COG3: variants seen among roughly 807,000 people sequenced by gnomAD.
COG3 encodes conserved oligomeric Golgi complex subunit 3.
COG3 carries 32 observed loss-of-function variants against 114.1 expected under a neutral mutation model. The ratio of observed to expected loss-of-function variants is 0.28; its 90% confidence interval spans 0.21 to 0.38. The LOEUF (loss-of-function observed/expected upper bound fraction) is 0.38. COG3 is among the 10% of genes least tolerant of loss of function. The probability of loss-of-function intolerance (pLI) is 1.00; values close to 1 mark genes in which losing one functional copy is unlikely to be tolerated. For missense variants in COG3, 813 were observed against 973.2 expected, an observed-to-expected ratio of 0.84 and a Z score of 2.19; for synonymous variants, 352 against 365.7, an observed-to-expected ratio of 0.96 and a Z score of 0.43.
intron 2 of COG3, among the ~76,000 whole-genome samples, chr13:45,478,014 T>C (rs1394079648): frequency 6.6e-6 from 1 of 152,208 alleles, no homozygotes; most frequent in African/African-American, 2.4e-5. Context: ...TATTGATATT[T>C]GCCCAAAGCA....
intron 12 of COG3, 100 bp from the exon 13 acceptor site, chr13:45,496,052 G>T: frequency 8.9e-7 from 1 of 1,124,620 alleles, no homozygotes; most frequent in South Asian, 1.6e-5. Flanking sequence ...AAGCAAAAGT[G>T]GTTCATACTG....
intron 4 of COG3, 96 bp from the exon 5 acceptor site, chr13:45,481,134 G>C: frequency 2.8e-6 from 2 of 708,512 alleles, no homozygotes; most frequent in Non-Finnish European, 5.1e-6. Flanking sequence ...ATAAACCTCT[G>C]TGTCTAATGT....
chr13:45,534,207 A>G (rs796994763), intron 22 of COG3, among the ~76,000 whole-genome samples: 1 of 152,390 alleles, frequency 6.6e-6, no homozygotes, highest in African/African-American at 2.4e-5. Flanking sequence ...CAACTCTTCC[A>G]ACAACACACT....
At chr13:45,514,493 G>A (rs2985976) in intron 16 of COG3, among the ~76,000 whole-genome samples, 132,293 of 152,194 alleles carry the variant, frequency 0.87, 57,666 homozygotes, top group Admixed American at 0.91. Flanking sequence ...CATGAAAAGC[G>A]TTTTGATAGT....
At chr13:45,511,960 G>A in intron 16 of COG3, 106 bp downstream of exon 16, 1 of 811,218 alleles carries the variant, frequency 1.2e-6, no homozygotes, top group Non-Finnish European at 2.1e-6. Flanking sequence ...AGTAGGATTT[G>A]TTTAACATGA....
At chr13:45,511,338 T>C (rs563703812) in intron 15 of COG3, among the ~76,000 whole-genome samples, 3 of 152,340 alleles carry the variant, frequency 2.0e-5, no homozygotes, top group South Asian at 2.1e-4. Context: ...TGAAGAGCCA[T>C]GTACATGATT....
intron 10 of COG3, among the ~76,000 whole-genome samples, 183 bp from the exon 11 acceptor site, chr13:45,491,976 A>C (rs191435202): frequency 8.3e-4 from 127 of 152,340 alleles, no homozygotes; most frequent in African/African-American, 2.9e-3. Flanking sequence ...TTAAGAAACT[A>C]AAAGTCACCT....
chr13:45,502,561 G>A (rs1042886241), intron 13 of COG3, among the ~76,000 whole-genome samples: 32 of 152,280 alleles, frequency 2.1e-4, no homozygotes, highest in African/African-American at 7.7e-4. Context: ...ATTTCTGCAC[G>A]TGGAATGAGT....
intron 1 of COG3, among the ~76,000 whole-genome samples, chr13:45,470,446 C>G (rs1029887585): frequency 6.6e-6 from 1 of 152,146 alleles, no homozygotes; most frequent in Non-Finnish European, 1.5e-5. Context: ...TACTTTTTAT[C>G]TGGAATTTGT....
At position 45,535,911 on chromosome 13, in the gene COG3, C is replaced by G; in HGVS notation, c.*1180C>G. ...AATTCTGAGTTTTTCAAACACTAGT[C>G]TAGAGGTGGACATTGTCAGGGGTTC... On this transcript the variant is annotated 3_prime_UTR_variant, in exon 23 of 23. Transcript: ENST00000349995. 9.1e-6 allele frequency: 9 copies of G among 983,742 alleles called. No homozygotes were observed. The highest frequency in any genetic ancestry group is 9.7e-6 in the Non-Finnish European group (8 of 826,610). 60.9% of individuals were successfully genotyped at this position (983,742 alleles called of 1,614,324 possible).
Position 45,464,950 on chromosome 13 carries a change from A to C in COG3, c.-87A>C. 1 of 1,471,020 alleles carries C rather than the reference A, an allele frequency of 6.8e-7. No individual in the cohort carries two copies. Among genetic ancestry groups the C allele is most frequent in the South Asian group, 1.4e-5 (1 of 72,498 alleles). The allele number at this position is 1,471,020 out of a possible 1,614,324, so 91.1% of individuals were successfully genotyped here. A position where few individuals can be genotyped will look rare whatever the true frequency, so the allele number is the denominator to read the frequency against. On this transcript the variant is annotated 5_prime_UTR_variant, in exon 1 of 23. Transcript: ENST00000349995. Reference sequence around the variant, plus strand: ...GCCCCGCCGCCGGTGCAGTGTTGGAAGCTCCGGTTCTCCCGGAAGTGGCCC... The same window carrying C: ...GCCCCGCCGCCGGTGCAGTGTTGGACGCTCCGGTTCTCCCGGAAGTGGCCC...
In COG3 at chr13:45,491,517, T is replaced by C. The variant is rs1475356749; in HGVS notation, c.1074T>C (p.Asn358=). ...CTGTTGCAGAGTTAACCAGCCAAAA[T>C]AATAGAGATCACTGTGCCTTGGTAA... is the stretch of plus-strand genomic sequence containing the variant. ...ACTVAELTSQ[N]NRDHCALVRS... Residue 358 remains asparagine (N), a synonymous_variant, in exon 10 of 23, where the codon AAT becomes AAC. Transcript: ENST00000349995. 2 of 1,612,574 alleles carry C rather than the reference T, an allele frequency of 1.2e-6. No homozygotes were observed. The highest frequency in any genetic ancestry group is 2.2e-5 in the East Asian group (1 of 44,810).
chr13:45,531,028 T>G, intron 22 of COG3: 1 of 1,097,200 alleles, frequency 9.1e-7, no homozygotes, highest in Non-Finnish European at 1.1e-6. Flanking sequence ...ATTGCTGTGT[T>G]TAAGAGAATG....
chr13:45,470,817 T>C (rs543836645), intron 1 of COG3, among the ~76,000 whole-genome samples: 1 of 152,224 alleles, frequency 6.6e-6, no homozygotes, highest in Admixed American at 6.5e-5. Flanking sequence ...AGTGGTTGCC[T>C]TAGGATTTAC....
chr13:45,525,840 T>C (rs748634635), intron 20 of COG3, among the ~76,000 whole-genome samples: 30 of 151,578 alleles, frequency 2.0e-4, no homozygotes, highest in Middle Eastern at 3.4e-3. Flanking sequence ...AAAGAATGAG[T>C]GTTTTAATTA....
At chr13:45,478,581 C>T (rs978193853) in intron 2 of COG3, among the ~76,000 whole-genome samples, 9 of 151,972 alleles carry the variant, frequency 5.9e-5, no homozygotes, top group African/African-American at 1.7e-4. Context: ...CTCTGCCTCC[C>T]GGGTTCAAGC....
At chr13:45,468,067 C>G (rs1566237436) in intron 1 of COG3, among the ~76,000 whole-genome samples, 1 of 152,136 alleles carries the variant, frequency 6.6e-6, no homozygotes, top group Non-Finnish European at 1.5e-5. Flanking sequence ...ACTTTTGTAG[C>G]CAGGGCAAAC....
chr13:45,464,994 C>G lies in COG3; in HGVS notation c.-43C>G. 2.6e-6 allele frequency: 4 copies of G among 1,537,314 alleles called. No homozygotes were observed. Among genetic ancestry groups the G allele is most frequent in the Non-Finnish European group, 3.5e-6 (4 of 1,143,482 alleles). The stretch of plus-strand genomic sequence containing the variant: ...GTGGCCCAGGTCTCTCTGTCGGGGT[C>G]CCCTCCATCTCGCTGCTGCTGAAGG... On this transcript the variant is annotated 5_prime_UTR_variant, in exon 1 of 23. Transcript: ENST00000349995.
intron 19 of COG3, among the ~76,000 whole-genome samples, 156 bp from the exon 20 acceptor site, chr13:45,524,820 A>AT (rs34702079): frequency 2.0e-5 from 3 of 151,888 alleles, no homozygotes; most frequent in South Asian, 2.1e-4. Context: ...GAGATAATGC[A>AT]TTTTTTTTAG....
Sources: allele counts gnomAD v4.1 joint callset (sites outside exome capture counted in the v4.1 genomes callset), GRCh38; gene constraint gnomAD v4.1.1; transcripts MANE v1.5; gene names NCBI Gene and HGNC (gene_info 2026-07-23, HGNC 2026-07-21).